The following NXN variants were observed in gnomAD, a reference collection of about 807,000 sequenced individuals.
NXN encodes nucleoredoxin 1.
In NXN, 16 loss-of-function variants were observed where a neutral mutation model predicts 48.6. That is an observed-to-expected ratio of 0.33 (90% confidence interval 0.22 to 0.50). The LOEUF (loss-of-function observed/expected upper bound fraction) is 0.50. Ranked by LOEUF, NXN falls within the 20% of genes least tolerant of loss-of-function variation. The pLI is 0.98. For synonymous variants in NXN, 281 were observed against 269.6 expected (o/e 1.04, Z -0.41); for missense variants, 492 against 605.5 (o/e 0.81, Z 1.97).
At chr17:973,272 G>A (rs373381985) in intron 1 of NXN, among the ~76,000 whole-genome samples, 1 of 152,160 alleles carries the variant, frequency 6.6e-6, no homozygotes, top group Admixed American at 6.5e-5. Flanking sequence ...GCAGGTCCAC[G>A]CTAGAGGTGG....
Position 979,306 on chromosome 17 carries a change from C to A in NXN, c.360+13G>T. On this transcript the variant is annotated intron_variant, in intron 1 of 7. Transcript: ENST00000336868. ...GGGGGCGGGCAGGGGCCGGCGAGGCCCGCGCCGCTCACCTTCCTGTGCTTC... is the reference window on the plus strand; with the variant it reads ...GGGGGCGGGCAGGGGCCGGCGAGGCACGCGCCGCTCACCTTCCTGTGCTTC... The A allele has an allele frequency of 7.2e-7, 1 of 1,395,312 alleles. No individual in the cohort carries two copies. Among genetic ancestry groups the A allele is most frequent in the Non-Finnish European group, 9.4e-7 (1 of 1,067,724 alleles). The allele number at this position is 1,395,312 out of a possible 1,614,324, so 86.4% of individuals were successfully genotyped here. A position where few individuals can be genotyped will look rare whatever the true frequency, so the allele number is the denominator to read the frequency against.
chr17:841,733 G>A (rs1914334010), intron 1 of NXN, among the ~76,000 whole-genome samples: 1 of 150,416 alleles, frequency 6.6e-6, no homozygotes, highest in South Asian at 2.1e-4. Flanking sequence ...CAAAGGAAAG[G>A]GAGAGCCCAG....
intron 1 of NXN, among the ~76,000 whole-genome samples, chr17:928,129 G>A (rs2068819695): frequency 6.6e-6 from 1 of 152,146 alleles, no homozygotes; most frequent in African/African-American, 2.4e-5. Context: ...TGCAAAGAAA[G>A]TGCCATAAGC....
At chr17:976,550 A>G (rs2663334) in intron 1 of NXN, among the ~76,000 whole-genome samples, 1,843 of 152,242 alleles carry the variant, frequency 0.012, 36 homozygotes, top group African/African-American at 0.042. Flanking sequence ...TATTTTTATC[A>G]TTGGCGAAAT....
At chr17:828,180 T>C (rs977913848) in intron 1 of NXN, among the ~76,000 whole-genome samples, 1 of 152,098 alleles carries the variant, frequency 6.6e-6, no homozygotes, top group Non-Finnish European at 1.5e-5. Context: ...CTTGGCTCAC[T>C]GCAACCTCCA....
chr17:823,954 G>A lies in NXN; in HGVS notation c.479-189C>T, dbSNP rs60671123. Among the ~76,000 whole-genome samples the A allele has an allele frequency of 0.17, 25,432 of 151,664 alleles. 2,157 individuals carry two copies. The highest frequency in any genetic ancestry group is 0.17 in the Non-Finnish European group (11,862 of 67,926). On this transcript the variant is annotated intron_variant, in intron 2 of 7. Coordinates refer to ENST00000336868, the MANE Select transcript of NXN (RefSeq NM_022463.5). ...ACCTACAGCGTCTGCAGCTAACACAGGAATCAAACTAGAGCCATTCCCTGC... is the reference window on the plus strand; with the variant it reads ...ACCTACAGCGTCTGCAGCTAACACAAGAATCAAACTAGAGCCATTCCCTGC...
intron 1 of NXN, among the ~76,000 whole-genome samples, chr17:943,624 C>T (rs1466555176): frequency 6.6e-6 from 1 of 151,906 alleles, no homozygotes; most frequent in Non-Finnish European, 1.5e-5. Context: ...GAGTTCAAAA[C>T]CAGCCTGGCC....
chr17:866,483 G>A (rs552813558), intron 1 of NXN, among the ~76,000 whole-genome samples: 1 of 152,108 alleles, frequency 6.6e-6, no homozygotes, highest in Non-Finnish European at 1.5e-5. Context: ...TGAGGCAGGA[G>A]AACCCTTGTA....
intron 1 of NXN, among the ~76,000 whole-genome samples, chr17:848,354 T>G (rs2067887919): frequency 1.3e-5 from 2 of 152,204 alleles, no homozygotes; most frequent in African/African-American, 2.4e-5. Flanking sequence ...TGGCCAGGGC[T>G]GGGCTCAAAC....
At chr17:969,164 C>T (rs930081936) in intron 1 of NXN, among the ~76,000 whole-genome samples, 2 of 152,132 alleles carry the variant, frequency 1.3e-5, no homozygotes, top group Non-Finnish European at 2.9e-5. Flanking sequence ...ATTTAAACGG[C>T]ACGTGCTATG....
At chr17:965,188 A>G (rs1363418434) in intron 1 of NXN, among the ~76,000 whole-genome samples, 4 of 152,214 alleles carry the variant, frequency 2.6e-5, no homozygotes, top group African/African-American at 9.6e-5. Context: ...GATTACATCC[A>G]AGAGGGAGAA....
intron 1 of NXN, among the ~76,000 whole-genome samples, chr17:955,867 A>G (rs961349947): frequency 2.0e-5 from 3 of 150,324 alleles, no homozygotes; most frequent in African/African-American, 4.9e-5. Flanking sequence ...GTGCCACTGC[A>G]CTCCAGCCTG....
rs55741285 is a variant in NXN, at chr17:930,841, G to A, written c.360+48478C>T. Among the ~76,000 whole-genome samples, 12 of 150,730 alleles carry A rather than the reference G, an allele frequency of 8.0e-5. No individual in the cohort carries two copies. In the South Asian group the frequency reaches 8.4e-4, roughly 11 times the overall value. On this transcript the variant is annotated intron_variant, in intron 1 of 7. Transcript: ENST00000336868. ...GGCTGGAGTGCAGTGGTGCGATCTC[G>A]GCTCACTGCAACCTCTGCCTCCCGG...
chr17:968,905 C>A (rs1304351999), intron 1 of NXN, among the ~76,000 whole-genome samples: 1 of 151,586 alleles, frequency 6.6e-6, no homozygotes, highest in East Asian at 1.9e-4. Context: ...CCACTGCACT[C>A]CAGCCTGGGA....
chr17:890,017 C>T (rs2068398954), intron 1 of NXN, among the ~76,000 whole-genome samples: 1 of 152,146 alleles, frequency 6.6e-6, no homozygotes, highest in South Asian at 2.1e-4. Context: ...ACCCAAAACC[C>T]AAGGTCCAAA....
Position 956,761 on chromosome 17 carries a change from G to A in NXN, c.360+22558C>T, listed in dbSNP as rs2069174333. The stretch of plus-strand genomic sequence containing the variant: ...TCGTCTTAAACCTCCACCGCAACCT[G>A]ACAAGGTGGACGCTGCTATCGTTCC... On this transcript the variant is annotated intron_variant, in intron 1 of 7. Coordinates refer to ENST00000336868, the MANE Select transcript of NXN (RefSeq NM_022463.5). This position sits in a 1 kb window ranked among gnomAD's most constrained non-coding sequence, Gnocchi z 4.1. Among the ~76,000 whole-genome samples, 1 of 152,104 alleles carries A rather than the reference G, an allele frequency of 6.6e-6. No individual in the cohort carries two copies. Among genetic ancestry groups the A allele is most frequent in the African/African-American group, 2.4e-5 (1 of 41,406 alleles).
At chr17:902,671 A>ACAGCCCCTCCCATCAT (rs935468861) in intron 1 of NXN, among the ~76,000 whole-genome samples, 27 of 152,048 alleles carry the variant, frequency 1.8e-4, no homozygotes, top group African/African-American at 4.3e-4. Flanking sequence ...AAGCACCACG[A>ACAGCCCCTCCCATCAT]CAGCCCCTCC....
At chr17:953,446 C>T (rs1012975523) in intron 1 of NXN, among the ~76,000 whole-genome samples, 7 of 152,104 alleles carry the variant, frequency 4.6e-5, no homozygotes, top group African/African-American at 1.7e-4. Context: ...CCCCCTCCCA[C>T]CACAAGCAGG....
intron 1 of NXN, chr17:842,657 G>A (rs1914396330): frequency 1.4e-6 from 1 of 706,620 alleles, no homozygotes; most frequent in South Asian, 6.4e-5. Flanking sequence ...CACCTTCAGG[G>A]CAGGGTGCAG....
Sources: allele counts gnomAD v4.1 joint callset (sites outside exome capture counted in the v4.1 genomes callset), GRCh38; gene constraint gnomAD v4.1.1; non-coding constraint Gnocchi (gnomAD v3.1); transcripts MANE v1.5; gene names NCBI Gene and HGNC (gene_info 2026-07-23, HGNC 2026-07-21).